Variants in SYNJ2 observed in about 807,000 individuals in gnomAD.
SYNJ2 encodes the protein polyphosphatidylinositol phosphatase SYNJ2.
A neutral mutation model predicts 141.3 loss-of-function variants in SYNJ2; 116 were observed. That is an observed-to-expected ratio of 0.82 (90% CI 0.71 to 0.96). SYNJ2 has a LOEUF of 0.96. SYNJ2 is among the 40% of genes least tolerant of loss of function. The probability of loss-of-function intolerance (pLI) is 0.00; values close to 1 mark genes in which losing one functional copy is unlikely to be tolerated. For synonymous variants in SYNJ2, 745 were observed against 777.7 expected, an observed-to-expected ratio of 0.96 and a Z score of 0.70; for missense variants, 1,873 against 1,934.8, an observed-to-expected ratio of 0.97 and a Z score of 0.60.
At chr6:158,082,996 A>G (rs1279971735) in intron 20 of SYNJ2, among the ~76,000 whole-genome samples, 1 of 151,988 alleles carries the variant, frequency 6.6e-6, no homozygotes, top group East Asian at 1.9e-4. Flanking sequence ...GCAGTGGTGC[A>G]ATCTCGGCTC....
intron 22 of SYNJ2, among the ~76,000 whole-genome samples, chr6:158,085,527 G>A (rs1437526533): frequency 3.3e-5 from 5 of 152,132 alleles, no homozygotes; most frequent in South Asian, 2.1e-4. Context: ...ATTGAGCTGG[G>A]GCTGAGAGCA....
chr6:157,986,558 T>C (rs183988475), intron 1 of SYNJ2, among the ~76,000 whole-genome samples: 22 of 152,124 alleles, frequency 1.4e-4, no homozygotes, highest in Admixed American at 1.4e-3. Context: ...GGTCTCAAAC[T>C]CCTGGCCCCA....
chr6:158,066,813 CT>C, intron 12 of SYNJ2, 178 bp downstream of exon 12: 1 of 691,642 alleles, frequency 1.4e-6, no homozygotes, highest in Non-Finnish European at 2.4e-6. Context: ...AGTAACTGAC[CT>C]TTTTCCTTTC....
chr6:158,051,310 C>G (rs1780551540), intron 5 of SYNJ2, among the ~76,000 whole-genome samples: 2 of 152,094 alleles, frequency 1.3e-5, no homozygotes, highest in African/African-American at 4.8e-5. Context: ...TAGCCCCTCT[C>G]TTGGGTTTTA....
In SYNJ2 at chr6:158,070,643, C is replaced by T. The variant is rs1442578277; in HGVS notation, c.1941-959C>T. On this transcript the variant is annotated intron_variant, in intron 14 of 26. Coordinates refer to ENST00000355585, the MANE Select transcript of SYNJ2 (RefSeq NM_003898.4). The surrounding 1 kb of genome is among the most constrained non-coding windows in gnomAD (Gnocchi z 4.0). ...CGTGCCTTTAGCCCTGAGCTGCTTC[C>T]GCCTACACCCCTTCCATCAGTCATC... 2.5e-5 allele frequency: 8 copies of T among 324,992 alleles called. No homozygotes were observed. The highest frequency in any genetic ancestry group is 1.7e-4 in the East Asian group (1 of 5,910). 20.1% of individuals were successfully genotyped at this position (324,992 alleles called of 1,614,324 possible).
In SYNJ2 at chr6:158,029,027, G is replaced by C; in HGVS notation, c.485+1G>C. ...CTGAATGGGGGAACTCCTTCTTCTG[G>C]TGAGGCCCTGGGTCCCCTGCAGAGG... On this transcript the variant is annotated splice_donor_variant, in intron 3 of 26. Transcript: ENST00000355585. LOFTEE classifies it high-confidence loss of function. 6.2e-7 allele frequency: 1 copy of C among 1,614,020 alleles called. No homozygotes were observed. Among genetic ancestry groups the C allele is most frequent in the Non-Finnish European group, 8.5e-7 (1 of 1,179,916 alleles).
At chr6:158,004,979 G>GCCACGCCC (rs1262938368) in intron 1 of SYNJ2, among the ~76,000 whole-genome samples, 4 of 151,590 alleles carry the variant, frequency 2.6e-5, no homozygotes, top group African/African-American at 7.3e-5. Context: ...TCGCTCCCAT[G>GCCACGCCC]CCACGCCCCT....
chr6:158,023,646 G>A (rs1336456027), intron 2 of SYNJ2, among the ~76,000 whole-genome samples: 2 of 152,146 alleles, frequency 1.3e-5, no homozygotes, highest in African/African-American at 2.4e-5. Flanking sequence ...CCATGTTAGG[G>A]TAGAGGGTAG....
intron 17 of SYNJ2, among the ~76,000 whole-genome samples, chr6:158,077,485 C>T (rs955803738): frequency 3.3e-5 from 5 of 152,058 alleles, no homozygotes; most frequent in Admixed American, 2.0e-4. Context: ...TTCAGCTACA[C>T]TTTTACCTGC....
At chr6:157,983,807 T>A (rs528160278) in intron 1 of SYNJ2, among the ~76,000 whole-genome samples, 7 of 152,276 alleles carry the variant, frequency 4.6e-5, no homozygotes, top group African/African-American at 1.7e-4. Flanking sequence ...GCATTCATTT[T>A]TCAGTAGAAA....
At chr6:158,087,103 A>G in intron 23 of SYNJ2, 114 bp downstream of exon 23, 2 of 1,250,986 alleles carry the variant, frequency 1.6e-6, no homozygotes, top group Non-Finnish European at 2.2e-6. Flanking sequence ...CGGTCCCCAC[A>G]GGGCTTCCTC....
chr6:158,063,684 AAAAC>A (rs1781371907), intron 8 of SYNJ2, 103 bp from the exon 9 acceptor site: 3 of 670,604 alleles, frequency 4.5e-6, no homozygotes, highest in Non-Finnish European at 7.1e-6. Flanking sequence ...AAAAAAAAAA[AAAAC>A]CATGTTTCCT....
chr6:158,041,545 G>C (rs1156351682), intron 4 of SYNJ2, among the ~76,000 whole-genome samples: 3 of 152,162 alleles, frequency 2.0e-5, no homozygotes, highest in Admixed American at 6.5e-5. Context: ...GGCAGGGAGG[G>C]GCATACAGAG....
chr6:158,060,173 C>A (rs890114562), intron 7 of SYNJ2, among the ~76,000 whole-genome samples: 2 of 152,188 alleles, frequency 1.3e-5, no homozygotes, highest in Admixed American at 6.5e-5. Flanking sequence ...TTCATGGCAG[C>A]TCCTGGACCT....
At chr6:158,001,428 C>T (rs551441443) in intron 1 of SYNJ2, 36 of 137,136 alleles carry the variant, frequency 2.6e-4, no homozygotes, top group African/African-American at 9.4e-4. Context: ...TGGAGCCTGG[C>T]TCTTGTTCCC....
rs1441721698 is a variant in SYNJ2 at position 158,066,504 on chromosome 6, G to T, written c.1586G>T (p.Arg529Leu). 7 of 1,614,058 alleles carry T rather than the reference G, an allele frequency of 4.3e-6. No homozygotes were observed. The highest frequency in any genetic ancestry group is 5.9e-6 in the Non-Finnish European group (7 of 1,180,064). ...CAGTCCGAATTCACAAATTTCAAGC[G>T]GATCCGGATTGCTATGGGGACCTGG... ...ERQSEFTNFK[R>L]IRIAMGTWNV... The change falls in exon 12 of 27, where the codon CGG (arginine) becomes CTG (leucine). Residue 529 changes from arginine to leucine, a missense_variant. Arg to Leu is a moderately radical substitution (Grantham distance 102). Transcript: ENST00000355585.
rs1782657325 is a variant in SYNJ2, at chr6:158,081,226, C to A, written c.2685C>A (p.Asn895Lys). The change falls in exon 19 of 27, where the codon AAC (asparagine) becomes AAA (lysine). Residue 895 changes from asparagine (N) to lysine (K), a missense_variant. Coordinates refer to ENST00000355585, the MANE Select transcript of SYNJ2 (RefSeq NM_003898.4). ...QGPLDATVVVNLQSPTLEEKN... is the reference protein window; with the variant it reads ...QGPLDATVVVKLQSPTLEEKN... Reference sequence around the variant, plus strand: ...CCCTGGATGCCACTGTTGTAGTAAACCTTCAATCACCGACCTTAGAAGAGA... The same window carrying A: ...CCCTGGATGCCACTGTTGTAGTAAAACTTCAATCACCGACCTTAGAAGAGA... 3 of 1,614,134 alleles carry A rather than the reference C, an allele frequency of 1.9e-6. No individual in the cohort carries two copies. The highest frequency in any genetic ancestry group is 2.7e-5 in the African/African-American group (2 of 75,016).
intron 25 of SYNJ2, 133 bp from the exon 26 acceptor site, chr6:158,092,793 C>G: frequency 1.2e-6 from 1 of 856,752 alleles, no homozygotes; most frequent in South Asian, 2.5e-5. Flanking sequence ...AAAGCTGGGA[C>G]TGAATCTAGC....
intron 7 of SYNJ2, among the ~76,000 whole-genome samples, chr6:158,059,744 G>A (rs549188752): frequency 2.0e-5 from 3 of 152,172 alleles, no homozygotes; most frequent in South Asian, 2.1e-4. Context: ...TAGTAGAGAC[G>A]GGGTTTCACC....
Sources: gnomAD v4.1 joint callset for allele counts (sites outside exome capture counted in the v4.1 genomes callset) on GRCh38, gnomAD v4.1.1 for gene constraint, Gnocchi (gnomAD v3.1) non-coding constraint, MANE v1.5 for transcripts, NCBI Gene and HGNC (gene_info 2026-07-23, HGNC 2026-07-21) for gene names.